Variants in PNPT1 observed in about 807,000 individuals in gnomAD.
PNPT1 encodes polyribonucleotide nucleotidyltransferase 1.
A neutral mutation model predicts 119.5 loss-of-function variants in PNPT1; 53 were observed. The observed-to-expected ratio is 0.44, with a 90% CI of 0.36 to 0.56. The LOEUF is 0.56. Among genes scored for constraint, PNPT1 ranks in the 20% least tolerant of loss-of-function variants. The pLI is 0.00. For synonymous variants in PNPT1, 357 were observed against 322.1 expected (o/e 1.11, Z -1.16); for missense variants, 948 against 938.5 (o/e 1.01, Z -0.13).
intron 5 of PNPT1, among the ~76,000 whole-genome samples, chr2:55,682,922 CA>C (rs1256977415): frequency 6.6e-6 from 1 of 151,550 alleles, no homozygotes; most frequent in African/African-American, 2.4e-5. Context: ...AAACAAGACA[CA>C]AAAAAAACTT....
At position 55,644,652 on chromosome 2, in the gene PNPT1, GTTTT is replaced by G; in HGVS notation, c.1887_1890del (p.Lys629AsnfsTer8). 6.2e-7 allele frequency: 1 copy of G among 1,609,680 alleles called. No individual in the cohort carries two copies. Among genetic ancestry groups the G allele is most frequent in the Non-Finnish European group, 8.5e-7 (1 of 1,176,434 alleles). ...CAACTCTTACCTGTTTCAGCCTGAA[GTTTT>G]TTTAAGTTATAGCCACCAGGTCCAA... is the stretch of plus-strand genomic sequence containing the variant. On this transcript the variant is annotated frameshift_variant, in exon 23 of 28. Transcript: ENST00000447944. LOFTEE classifies it high-confidence loss of function.
At chr2:55,688,654 G>C (rs1225441183) in intron 1 of PNPT1, among the ~76,000 whole-genome samples, 2 of 152,126 alleles carry the variant, frequency 1.3e-5, no homozygotes, top group Non-Finnish European at 2.9e-5. Context: ...GAACCCAGGA[G>C]GGGGAGGTTA....
chr2:55,661,091 C>CTTTTTTTTTTTT (rs1171064705), intron 14 of PNPT1, among the ~76,000 whole-genome samples: 2 of 71,598 alleles, frequency 2.8e-5, no homozygotes, highest in African/African-American at 6.3e-5. Context: ...AATAGAGATT[C>CTTTTTTTTTTTT]TTTTTTTTTT....
intron 11 of PNPT1, among the ~76,000 whole-genome samples, chr2:55,669,121 G>C (rs1269408750): frequency 6.6e-6 from 1 of 151,716 alleles, no homozygotes; most frequent in Non-Finnish European, 1.5e-5. Flanking sequence ...TTCTACAGAA[G>C]AAAAAACTGA....
Position 55,666,965 on chromosome 2 carries a change from T to C in PNPT1, c.1176+26A>G, listed in dbSNP as rs374265337. 176 of 1,456,496 alleles carry C rather than the reference T, an allele frequency of 1.2e-4. 1 individual carries two copies. The highest frequency in any genetic ancestry group is 2.7e-4 in the Admixed American group (12 of 44,606). The allele number at this position is 1,456,496 out of a possible 1,614,324, so 90.2% of individuals were successfully genotyped here. On this transcript the variant is annotated intron_variant, in intron 13 of 27. Transcript: ENST00000447944. ...AATTAAACAATCTTAATTTAGCAAA[T>C]AATTAGAGCTTTTTATATAAATTAC...
At chr2:55,658,449 G>C (rs886776580) in intron 15 of PNPT1, among the ~76,000 whole-genome samples, 1 of 152,044 alleles carries the variant, frequency 6.6e-6, no homozygotes, top group African/African-American at 2.4e-5. Flanking sequence ...TCCTGACTTG[G>C]GTGGTGGTTA....
chr2:55,693,576 C>T, intron 1 of PNPT1, 87 bp downstream of exon 1: 3 of 1,544,664 alleles, frequency 1.9e-6, no homozygotes, highest in Non-Finnish European at 2.6e-6. Context: ...GCTGGGATAC[C>T]GGGTTTCTAC....
chr2:55,687,213 C>CAAAAA (rs777676691), intron 2 of PNPT1, among the ~76,000 whole-genome samples: 16 of 93,968 alleles, frequency 1.7e-4, no homozygotes, highest in African/African-American at 6.4e-4. Context: ...GACTCCATCT[C>CAAAAA]AAAAAAAAAA....
In PNPT1 at chr2:55,687,312, C is replaced by T. The variant is rs575583432; in HGVS notation, c.222+333G>A. On this transcript the variant is annotated intron_variant, in intron 2 of 27. Transcript: ENST00000447944. ...AAAATTAGCTGGGTGTGGTGGTGCA[C>T]GCCTGTAGTCCCAGCTACTCGGGAG... Among the ~76,000 whole-genome samples the T allele has an allele frequency of 7.3e-5, 11 of 150,950 alleles. No individual in the cohort carries two copies. The South Asian group carries it at 1.0e-3, about 14-fold the overall frequency.
intron 8 of PNPT1, among the ~76,000 whole-genome samples, chr2:55,673,347 AAAG>A (rs1212682323): frequency 6.6e-6 from 1 of 152,184 alleles, no homozygotes. Context: ...CAGAAAAAAA[AAAG>A]AAATCATGCA....
At chr2:55,681,798 C>A (rs188763280) in intron 5 of PNPT1, among the ~76,000 whole-genome samples, 1 of 146,324 alleles carries the variant, frequency 6.8e-6, no homozygotes, top group Non-Finnish European at 1.5e-5. Flanking sequence ...GAGCTGAGAT[C>A]GCGCCATTGG....
At chr2:55,674,245 AAG>A (rs1696997143) in intron 8 of PNPT1, among the ~76,000 whole-genome samples, 1 of 152,222 alleles carries the variant, frequency 6.6e-6, no homozygotes, top group African/African-American at 2.4e-5. Flanking sequence ...ATGAAAAAAT[AAG>A]AGAAGACATC....
chr2:55,692,969 G>GTC (rs1292853956), intron 1 of PNPT1, among the ~76,000 whole-genome samples: 5 of 151,620 alleles, frequency 3.3e-5, no homozygotes, highest in African/African-American at 4.8e-5. Flanking sequence ...CCCTGTCACT[G>GTC]TCTCTCTCTC....
rs751012237 is a variant in PNPT1, at chr2:55,640,721, TAGTA to T, written c.2070-20_2070-17del. On this transcript the variant is annotated splice_polypyrimidine_tract_variant and intron_variant, in intron 25 of 27. Coordinates refer to ENST00000447944, the MANE Select transcript of PNPT1 (RefSeq NM_033109.5). ...ACCAGTATCTCTACAAAAAAATAAA[TAGTA>T]AGCCTGGTTAAAATAATAAGTATCT... 8 of 1,469,670 alleles carry T rather than the reference TAGTA, an allele frequency of 5.4e-6. No individual in the cohort carries two copies. The highest frequency in any genetic ancestry group is 2.3e-5 in the South Asian group (2 of 87,324). 91.0% of individuals were successfully genotyped at this position (1,469,670 alleles called of 1,614,324 possible).
At chr2:55,642,840 G>A (rs1160303169) in intron 25 of PNPT1, among the ~76,000 whole-genome samples, 1 of 152,148 alleles carries the variant, frequency 6.6e-6, no homozygotes, top group Non-Finnish European at 1.5e-5. Context: ...AACAGGGCTG[G>A]GCACGGTGGC....
intron 11 of PNPT1, among the ~76,000 whole-genome samples, chr2:55,669,538 G>C (rs968259737): frequency 6.6e-6 from 1 of 152,052 alleles, no homozygotes; most frequent in Non-Finnish European, 1.5e-5. Flanking sequence ...ACTTGGAAAG[G>C]AAAACAATCA....
At chr2:55,676,641 C>CA (rs1216148588) in intron 8 of PNPT1, among the ~76,000 whole-genome samples, 1 of 152,156 alleles carries the variant, frequency 6.6e-6, no homozygotes, top group Non-Finnish European at 1.5e-5. Flanking sequence ...GCAGGTGGAT[C>CA]ACCTGAGGTC....
At chr2:55,641,489 G>A (rs942946566) in intron 25 of PNPT1, among the ~76,000 whole-genome samples, 3 of 151,486 alleles carry the variant, frequency 2.0e-5, no homozygotes, top group African/African-American at 7.3e-5. Flanking sequence ...GGCTGGTCTC[G>A]ATTTTCCAAA....
chr2:55,690,456 A>G (rs1299713048), intron 1 of PNPT1, among the ~76,000 whole-genome samples: 3 of 152,202 alleles, frequency 2.0e-5, no homozygotes, highest in Non-Finnish European at 4.4e-5. Flanking sequence ...GACAGGCCCA[A>G]TGCCCTACCC....
Sources: gnomAD v4.1 joint callset for allele counts (sites outside exome capture counted in the v4.1 genomes callset) on GRCh38, gnomAD v4.1.1 for gene constraint, MANE v1.5 for transcripts, NCBI Gene and HGNC (gene_info 2026-07-23, HGNC 2026-07-21) for gene names.